MACROD2: variants seen among roughly 807,000 people sequenced by gnomAD.
The protein encoded by MACROD2 is mono-ADP ribosylhydrolase 2.
MACROD2 carries 36 observed loss-of-function variants against 70.4 expected under a neutral mutation model. The observed-to-expected ratio is 0.51, with a 90% confidence interval of 0.39 to 0.68. The LOEUF is 0.68. Ranked by LOEUF, MACROD2 falls within the 30% of genes least tolerant of loss-of-function variation. The pLI is 0.00. For synonymous variants in MACROD2, 172 were observed against 178.8 expected, an observed-to-expected ratio of 0.96 and a Z score of 0.30; for missense variants, 496 against 538.4, an observed-to-expected ratio of 0.92 and a Z score of 0.78.
At chr20:15,718,955 G>A (rs1473720414) in intron 8 of MACROD2, among the ~76,000 whole-genome samples, 1 of 152,160 alleles carries the variant, frequency 6.6e-6, no homozygotes, top group South Asian at 2.1e-4. Flanking sequence ...CACATTAAAG[G>A]TTCTAATTAT....
intron 3 of MACROD2, among the ~76,000 whole-genome samples, chr20:14,196,049 A>G (rs1217358648): frequency 1.3e-5 from 2 of 151,984 alleles, no homozygotes; most frequent in Non-Finnish European, 2.9e-5. Context: ...ACCCCTAGAC[A>G]CTGCTGGGGG....
intron 3 of MACROD2, among the ~76,000 whole-genome samples, chr20:14,248,216 TG>T (rs1383473314): frequency 6.6e-6 from 1 of 152,174 alleles, no homozygotes; most frequent in African/African-American, 2.4e-5. Context: ...TCCGTATGGG[TG>T]GCTGAGATAG....
intron 12 of MACROD2, among the ~76,000 whole-genome samples, chr20:15,953,318 G>A (rs1320284809): frequency 6.6e-6 from 1 of 152,040 alleles, no homozygotes; most frequent in Non-Finnish European, 1.5e-5. Context: ...GATGAATATA[G>A]TTAACAATAA....
chr20:15,723,972 C>G (rs958575384), intron 8 of MACROD2, among the ~76,000 whole-genome samples: 8 of 152,120 alleles, frequency 5.3e-5, no homozygotes, highest in African/African-American at 1.9e-4. Context: ...TGGATTTTGG[C>G]CTTCCTAATA....
intron 2 of MACROD2, among the ~76,000 whole-genome samples, chr20:14,027,716 G>A (rs1018533021): frequency 6.6e-6 from 1 of 152,108 alleles, no homozygotes; most frequent in African/African-American, 2.4e-5. Flanking sequence ...CTGCACACCC[G>A]GTTTGCCTGG....
At chr20:15,702,203 A>T (rs1159232505) in intron 8 of MACROD2, among the ~76,000 whole-genome samples, 1 of 152,192 alleles carries the variant, frequency 6.6e-6, no homozygotes, top group Non-Finnish European at 1.5e-5. Context: ...GCTGGGTCAA[A>T]TGGTATTTCT....
At chr20:14,156,039 G>A (rs927100549) in intron 3 of MACROD2, among the ~76,000 whole-genome samples, 6 of 152,102 alleles carry the variant, frequency 3.9e-5, no homozygotes, top group Admixed American at 3.3e-4. Context: ...GTACATGCTC[G>A]TAGTCCCAAT....
chr20:15,601,724 A>C (rs1444667183), intron 8 of MACROD2, among the ~76,000 whole-genome samples: 1 of 152,178 alleles, frequency 6.6e-6, no homozygotes, highest in Non-Finnish European at 1.5e-5. Context: ...GAAACAGGTA[A>C]ATTTGTTTAA....
chr20:16,024,505 A>ACACACT (rs1275213433), intron 15 of MACROD2, among the ~76,000 whole-genome samples: 6 of 142,714 alleles, frequency 4.2e-5, no homozygotes, highest in Non-Finnish European at 6.2e-5. Flanking sequence ...GTTCACACAC[A>ACACACT]CACACACAGA....
chr20:14,056,451 ATTTTTCT>A (rs1307488408), intron 2 of MACROD2, among the ~76,000 whole-genome samples: 2 of 150,998 alleles, frequency 1.3e-5, no homozygotes, highest in African/African-American at 2.4e-5. Flanking sequence ...TAGTACTTCC[ATTTTTCT>A]TTTTGTGCAA....
intron 15 of MACROD2, among the ~76,000 whole-genome samples, chr20:15,997,466 A>G (rs1444886079): frequency 6.6e-6 from 1 of 152,140 alleles, no homozygotes; most frequent in Non-Finnish European, 1.5e-5. Context: ...TGATGCTACT[A>G]TAAATGGATA....
intron 8 of MACROD2, among the ~76,000 whole-genome samples, chr20:15,769,500 T>C (rs1003219314): frequency 4.6e-5 from 7 of 152,188 alleles, no homozygotes; most frequent in Non-Finnish European, 1.0e-4. Flanking sequence ...ATGCTAGACT[T>C]TTATGTGACT....
intron 3 of MACROD2, among the ~76,000 whole-genome samples, chr20:14,436,726 G>A (rs576084317): frequency 6.6e-6 from 1 of 152,296 alleles, no homozygotes; most frequent in Admixed American, 6.5e-5. Context: ...GAGTGACCTA[G>A]CTGTATCAAC....
intron 3 of MACROD2, among the ~76,000 whole-genome samples, chr20:14,137,099 G>T (rs951901549): frequency 9.2e-5 from 14 of 152,004 alleles, no homozygotes; most frequent in Non-Finnish European, 1.5e-4. Context: ...CTTAAGCAAT[G>T]CAAGAGTTAG....
intron 8 of MACROD2, among the ~76,000 whole-genome samples, chr20:15,601,704 T>A (rs544963292): frequency 3.1e-4 from 47 of 152,266 alleles, no homozygotes; most frequent in African/African-American, 2.2e-4. Context: ...TAATTAAGGT[T>A]TAACATGGTG....
At chr20:14,248,072 A>T (rs1231883762) in intron 3 of MACROD2, among the ~76,000 whole-genome samples, 1 of 150,426 alleles carries the variant, frequency 6.6e-6, no homozygotes, top group East Asian at 2.0e-4. Context: ...TTACTTTTTC[A>T]CTGTATTAAT....
In MACROD2 at chr20:15,042,672, T is replaced by A. The variant is rs539008735; in HGVS notation, c.419-187268T>A. Among the ~76,000 whole-genome samples the A allele has an allele frequency of 2.0e-5, 3 of 152,174 alleles. No homozygotes were observed. In the South Asian group the frequency reaches 6.2e-4, roughly 32 times the overall value. On this transcript the variant is annotated intron_variant, in intron 5 of 17. Transcript: ENST00000684519. ...TTGTGGATGAACTTGAAGGTCCCTG[T>A]CTTAGCACCTGAAATTCCATCAGCA...
At chr20:15,728,102 TA>T (rs1384516902) in intron 8 of MACROD2, among the ~76,000 whole-genome samples, 1 of 152,200 alleles carries the variant, frequency 6.6e-6, no homozygotes, top group East Asian at 1.9e-4. Context: ...TGAGGATTCT[TA>T]AGATGAAGGA....
At chr20:14,801,988 C>T (rs574100696) in intron 5 of MACROD2, among the ~76,000 whole-genome samples, 7 of 152,122 alleles carry the variant, frequency 4.6e-5, no homozygotes, top group African/African-American at 1.7e-4. Context: ...ACTTTGAGGA[C>T]TTCAACATAA....
Sources: gnomAD v4.1 joint callset for allele counts (sites outside exome capture counted in the v4.1 genomes callset) on GRCh38, gnomAD v4.1.1 for gene constraint, MANE v1.5 for transcripts, NCBI Gene and HGNC (gene_info 2026-07-23, HGNC 2026-07-21) for gene names.